Variants in WNT2B observed in about 807,000 individuals in gnomAD.
The protein encoded by WNT2B is protein Wnt-2b.
In WNT2B, 19 loss-of-function variants were observed where a neutral mutation model predicts 40.5. The ratio of observed to expected loss-of-function variants is 0.47; its 90% CI spans 0.33 to 0.69. The LOEUF (loss-of-function observed/expected upper bound fraction) is 0.69, where lower values mean the gene tolerates loss of function less well. WNT2B is among the 30% of genes least tolerant of loss of function. The pLI, the probability that WNT2B is intolerant of heterozygous loss-of-function variation, is 0.02. For synonymous variants in WNT2B, 220 were observed against 211.9 expected (o/e 1.04, Z -0.33); for missense variants, 467 against 556.4 (o/e 0.84, Z 1.62).
In WNT2B at chr1:112,520,808, T is replaced by C; in HGVS notation, c.*299T>C. ...AAATGAGTTGCACTAAAGTACGTAG[T>C]TGAGGCTCCTTTTTTCTTTCCTTTG... On this transcript the variant is annotated 3_prime_UTR_variant, in exon 5 of 5. Transcript: ENST00000369684. 2.5e-6 allele frequency: 1 copy of C among 392,556 alleles called. No homozygotes were observed. Among genetic ancestry groups the C allele is most frequent in the East Asian group, 4.2e-5 (1 of 23,880 alleles). The allele number at this position is 392,556 out of a possible 1,614,324, so 24.3% of individuals were successfully genotyped here.
intron 1 of WNT2B, among the ~76,000 whole-genome samples, chr1:112,513,030 C>T (rs933664250): frequency 2.6e-5 from 4 of 152,098 alleles, no homozygotes; most frequent in African/African-American, 9.7e-5. Context: ...ACTTGTTGCC[C>T]GAGTTTGGCC....
Position 112,525,073 on chromosome 1 carries a change from CTG to C in WNT2B, c.*4566_*4567del, listed in dbSNP as rs1476856423. On this transcript the variant is annotated 3_prime_UTR_variant, in exon 5 of 5. Coordinates refer to ENST00000369684, the MANE Select transcript of WNT2B (RefSeq NM_024494.3). ...TACCATCAAAGCAGAGTGGCTGAGA[CTG>C]TATAAGTTCGCAAGGCTGGTTCATG... is the stretch of plus-strand genomic sequence containing the variant. 3 of 152,178 alleles carry C rather than the reference CTG, an allele frequency of 2.0e-5. No individual in the cohort carries two copies. Among genetic ancestry groups the C allele is most frequent in the South Asian group, 2.1e-4 (1 of 4,822 alleles). 9.4% of individuals were successfully genotyped at this position (152,178 alleles called of 1,614,324 possible).
intron 1 of WNT2B, among the ~76,000 whole-genome samples, chr1:112,486,255 C>G (rs1317283176): frequency 1.3e-5 from 2 of 152,012 alleles, no homozygotes; most frequent in African/African-American, 4.8e-5. Flanking sequence ...CCAGCCTGGG[C>G]AACATAGCGA....
chr1:112,476,064 A>G (rs1299801284), intron 1 of WNT2B, among the ~76,000 whole-genome samples: 1 of 152,248 alleles, frequency 6.6e-6, no homozygotes, highest in Non-Finnish European at 1.5e-5. Context: ...GAAAAGTCTC[A>G]ATACATTTTA....
chr1:112,487,442 C>A (rs765149796), intron 1 of WNT2B, among the ~76,000 whole-genome samples: 1 of 152,120 alleles, frequency 6.6e-6, no homozygotes, highest in African/African-American at 2.4e-5. Context: ...ATTTAAGACA[C>A]CTAATCTGCT....
intron 1 of WNT2B, among the ~76,000 whole-genome samples, chr1:112,495,354 A>C (rs2101068218): frequency 6.6e-6 from 1 of 152,240 alleles, no homozygotes; most frequent in Non-Finnish European, 1.5e-5. Context: ...AGGTGGGCAG[A>C]TCACGAGGTC....
At position 112,496,199 on chromosome 1, in the gene WNT2B, C is replaced by T. The variant is rs146148472; in HGVS notation, c.-94-18675C>T. On this transcript the variant is annotated intron_variant, in intron 1 of 4. Coordinates refer to the WNT2B transcript ENST00000256640. ...TGTAATCATAGCTCACTGCAAGCCT[C>T]GACCTCCTGGGCTCAAGGAATCATC... is the stretch of plus-strand genomic sequence containing the variant. Among the ~76,000 whole-genome samples the T allele has an allele frequency of 4.5e-3, 679 of 152,272 alleles. 3 individuals are homozygous for T. Among genetic ancestry groups the T allele is most frequent in the African/African-American group, 0.016 (655 of 41,540 alleles).
intron 3 of WNT2B, 117 bp downstream of exon 3, chr1:112,516,534 A>G: frequency 7.4e-7 from 1 of 1,359,338 alleles, no homozygotes; most frequent in South Asian, 1.5e-5. Flanking sequence ...GTCACTTCCA[A>G]AAGCCCCAAC....
chr1:112,467,466 A>G (rs1570755953), exon 1 of WNT2B: 2 of 755,562 alleles, frequency 2.6e-6, no homozygotes, highest in East Asian at 4.9e-5. Flanking sequence ...GCAAAATAAG[A>G]TTAAATCTTA....
At chr1:112,483,860 G>A (rs930045091) in intron 1 of WNT2B, among the ~76,000 whole-genome samples, 1 of 149,040 alleles carries the variant, frequency 6.7e-6, no homozygotes, top group Non-Finnish European at 1.5e-5. Flanking sequence ...GACCTGAATA[G>A]ACATTTCCCA....
chr1:112,484,234 C>T (rs11102482), intron 1 of WNT2B, among the ~76,000 whole-genome samples: 16,967 of 115,574 alleles, frequency 0.15, 1,350 homozygotes, highest in East Asian at 0.35. Context: ...TATATATACA[C>T]ATATATATAC....
rs141070301 is a variant in WNT2B, at chr1:112,517,255, T to C, written c.816T>C (p.Ala272=). Residue 272 remains alanine (A), a synonymous_variant, in exon 4 of 5, where the codon GCT becomes GCC. Coordinates refer to ENST00000369684, the MANE Select transcript of WNT2B (RefSeq NM_024494.3). ...GDYLRRRYDG[A]VQVMATQDGA... ...ACCTGCGGCGACGCTATGATGGGGCTGTGCAGGTGATGGCCACCCAAGATG... is the reference window on the plus strand; with the variant it reads ...ACCTGCGGCGACGCTATGATGGGGCCGTGCAGGTGATGGCCACCCAAGATG... The C allele has an allele frequency of 9.3e-6, 15 of 1,614,108 alleles. No homozygotes were observed. The African/African-American group carries it at 2.0e-4, about 22-fold the overall frequency.
chr1:112,495,924 G>C (rs1651753213), intron 1 of WNT2B, among the ~76,000 whole-genome samples: 3 of 152,112 alleles, frequency 2.0e-5, no homozygotes, highest in African/African-American at 2.4e-5. Context: ...AGGACTGCTG[G>C]ATCTTCACAT....
At chr1:112,510,727 T>TG (rs1294427333) in intron 1 of WNT2B, among the ~76,000 whole-genome samples, 1 of 151,068 alleles carries the variant, frequency 6.6e-6, no homozygotes, top group Non-Finnish European at 1.5e-5. Context: ...TCTGCAGTGT[T>TG]GGGGAAGGCA....
At chr1:112,507,851 GAAGTT>G, upstream of WNT2B, among the ~76,000 whole-genome samples, 1 of 152,302 alleles carries the variant, frequency 6.6e-6, no homozygotes, top group African/African-American at 2.4e-5. Context: ...CTGAACTCTC[GAAGTT>G]AAGCCCAGGA....
chr1:112,492,015 C>T (rs575319708), intron 1 of WNT2B, among the ~76,000 whole-genome samples: 1 of 151,560 alleles, frequency 6.6e-6, no homozygotes, highest in African/African-American at 2.4e-5. Flanking sequence ...AACCTGGAAG[C>T]CATAAACATA....
intron 1 of WNT2B, among the ~76,000 whole-genome samples, chr1:112,479,135 C>T (rs1270315660): frequency 1.3e-5 from 2 of 151,998 alleles, no homozygotes; most frequent in South Asian, 2.1e-4. Flanking sequence ...GCAGGAGAAT[C>T]GCTTGAACCA....
At chr1:112,490,959 A>T (rs1027468413) in intron 1 of WNT2B, 11 of 1,547,898 alleles carry the variant, frequency 7.1e-6, no homozygotes, top group Non-Finnish European at 9.8e-6. Flanking sequence ...CCTGCTGAAA[A>T]TCCATAGCAT....
intron 1 of WNT2B, among the ~76,000 whole-genome samples, chr1:112,478,650 GTGGCTCACACCTGTAACCCCA>G (rs1367136121): frequency 1.3e-5 from 2 of 152,154 alleles, no homozygotes; most frequent in East Asian, 1.9e-4. Context: ...GCTGGGCATG[GTGGCTCACACCTGTAACCCCA>G]GCATTTTGGA....
Sources: allele counts gnomAD v4.1 joint callset (sites outside exome capture counted in the v4.1 genomes callset), GRCh38; gene constraint gnomAD v4.1.1; transcripts MANE v1.5; gene names NCBI Gene and HGNC (gene_info 2026-07-23, HGNC 2026-07-21).